ATP8A2: variants seen among roughly 807,000 people sequenced by gnomAD.
ATP8A2 encodes phospholipid-transporting ATPase IB.
ATP8A2 carries 100 observed loss-of-function variants against 165.6 expected under a neutral mutation model. The observed-to-expected ratio is 0.60, with a 90% CI of 0.51 to 0.71. The LOEUF (loss-of-function observed/expected upper bound fraction) is 0.71, where lower values mean the gene tolerates loss of function less well. Among genes scored for constraint, ATP8A2 ranks in the 30% least tolerant of loss-of-function variants. ATP8A2 has a pLI of 0.00. For synonymous variants in ATP8A2, 543 were observed against 548.8 expected (o/e 0.99, Z 0.15); for missense variants, 1,227 against 1,479.5 (o/e 0.83, Z 2.80).
chr13:25,820,577 C>T (rs530206108), intron 27 of ATP8A2, among the ~76,000 whole-genome samples: 59 of 152,246 alleles, frequency 3.9e-4, no homozygotes, highest in Non-Finnish European at 8.1e-4. Flanking sequence ...GAAGGCTCTG[C>T]GTTTAGTGTA....
At chr13:25,625,508 C>T (rs922043266) in intron 24 of ATP8A2, among the ~76,000 whole-genome samples, 4 of 152,236 alleles carry the variant, frequency 2.6e-5, no homozygotes, top group African/African-American at 9.6e-5. Context: ...TATTAAATTA[C>T]ACCTTCTTGT....
At chr13:25,829,917 A>C (rs1166431665) in intron 28 of ATP8A2, among the ~76,000 whole-genome samples, 1 of 151,318 alleles carries the variant, frequency 6.6e-6, no homozygotes, top group Non-Finnish European at 1.5e-5. Context: ...GACCATTTGC[A>C]GGAGAATAAC....
At chr13:25,478,182 A>T (rs1449774315) in intron 2 of ATP8A2, among the ~76,000 whole-genome samples, 3 of 152,046 alleles carry the variant, frequency 2.0e-5, no homozygotes, top group Non-Finnish European at 4.4e-5. Flanking sequence ...GGCATCAAAG[A>T]ACATTCCCTA....
chr13:25,442,998 C>T (rs934887126), intron 1 of ATP8A2, among the ~76,000 whole-genome samples: 1 of 152,072 alleles, frequency 6.6e-6, no homozygotes, highest in African/African-American at 2.4e-5. Flanking sequence ...CCGTGGTTGC[C>T]TTTTTCCTCT....
rs551756597 is a variant in ATP8A2 at position 25,699,856 on chromosome 13, G to A, written c.2384+511G>A. ...TTCCTGGGAAGGTTTTTTTTTTTCA[G>A]TTGGCAGTGGTGGGGGATTGTTACA... On this transcript the variant is annotated intron_variant, in intron 25 of 36. Transcript: ENST00000381655. Among the ~76,000 whole-genome samples, 10 of 150,804 alleles carry A rather than the reference G, an allele frequency of 6.6e-5. 1 individual carries two copies. In the South Asian group the frequency reaches 2.1e-3, roughly 32 times the overall value.
intron 2 of ATP8A2, among the ~76,000 whole-genome samples, chr13:25,472,159 C>T (rs2035862032): frequency 6.6e-6 from 1 of 152,042 alleles, no homozygotes; most frequent in East Asian, 1.9e-4. Flanking sequence ...TTTGGGAGGC[C>T]AAGGTGGGTG....
At chr13:25,503,931 GT>G (rs2036939350) in intron 2 of ATP8A2, among the ~76,000 whole-genome samples, 1 of 152,154 alleles carries the variant, frequency 6.6e-6, no homozygotes, top group Admixed American at 6.5e-5. Flanking sequence ...AACTTCTCCA[GT>G]AGGATTTGGA....
chr13:25,962,165 A>G (rs1394244659), intron 34 of ATP8A2, among the ~76,000 whole-genome samples: 2 of 152,224 alleles, frequency 1.3e-5, no homozygotes, highest in African/African-American at 4.8e-5. Flanking sequence ...TTGAGAAAGT[A>G]TAACTCAAAA....
At chr13:25,774,722 T>G in intron 26 of ATP8A2, 127 bp from the exon 27 acceptor site, 1 of 574,564 alleles carries the variant, frequency 1.7e-6, no homozygotes. Context: ...AATGGTTTTC[T>G]GAGATTCCTG....
At chr13:25,429,160 G>A (rs778728113) in intron 1 of ATP8A2, among the ~76,000 whole-genome samples, 1 of 152,076 alleles carries the variant, frequency 6.6e-6, no homozygotes, top group Non-Finnish European at 1.5e-5. Context: ...CTGAGGTCAC[G>A]TGTTTGAGAC....
At chr13:25,812,819 C>T (rs75612897) in intron 27 of ATP8A2, among the ~76,000 whole-genome samples, 1,550 of 152,050 alleles carry the variant, frequency 0.01, 16 homozygotes, top group Non-Finnish European at 0.014. Flanking sequence ...AGCAAAGACA[C>T]GGAATCAACC....
At chr13:25,830,079 A>G (rs1474714551) in intron 28 of ATP8A2, among the ~76,000 whole-genome samples, 1 of 148,668 alleles carries the variant, frequency 6.7e-6, no homozygotes, top group Non-Finnish European at 1.5e-5. Flanking sequence ...TGCCATCACT[A>G]CTCACTGTAT....
At chr13:25,792,878 CA>C (rs1231086371) in intron 27 of ATP8A2, among the ~76,000 whole-genome samples, 1 of 150,084 alleles carries the variant, frequency 6.7e-6, no homozygotes, top group African/African-American at 2.5e-5. Flanking sequence ...GAGCTATGAT[CA>C]CAGCACAACA....
At chr13:25,497,773 G>A (rs2036722724) in intron 2 of ATP8A2, among the ~76,000 whole-genome samples, 1 of 151,980 alleles carries the variant, frequency 6.6e-6, no homozygotes, top group African/African-American at 2.4e-5. Flanking sequence ...GGCTAATACG[G>A]TGAAACCCTG....
chr13:25,598,024 T>G (rs188936938), intron 24 of ATP8A2, among the ~76,000 whole-genome samples: 1 of 152,262 alleles, frequency 6.6e-6, no homozygotes, highest in Non-Finnish European at 1.5e-5. Context: ...CTTGTAAGTT[T>G]AAGTCTGTGA....
intron 15 of ATP8A2, among the ~76,000 whole-genome samples, chr13:25,560,911 G>A (rs932276715): frequency 1.7e-4 from 25 of 150,858 alleles, no homozygotes; most frequent in Non-Finnish European, 3.5e-4. Flanking sequence ...TTTTGAGACG[G>A]AGTCTCGCTC....
rs535802390 is a variant in ATP8A2 at position 25,837,807 on chromosome 13, C to G, written c.2877+522C>G. On this transcript the variant is annotated intron_variant, in intron 29 of 36. Transcript: ENST00000381655. Reference sequence around the variant, plus strand: ...TTGCAGGGGATTTGGTTTTGTTTTTCTGGACCAGAGAATCAGAAAGGAACC... The same window carrying G: ...TTGCAGGGGATTTGGTTTTGTTTTTGTGGACCAGAGAATCAGAAAGGAACC... Among the ~76,000 whole-genome samples the G allele has an allele frequency of 2.0e-5, 3 of 151,988 alleles. No individual in the cohort carries two copies. In the East Asian group the frequency reaches 5.8e-4, roughly 29 times the overall value.
chr13:25,812,037 A>G (rs1593384512), intron 27 of ATP8A2, among the ~76,000 whole-genome samples: 1 of 151,996 alleles, frequency 6.6e-6, no homozygotes, highest in East Asian at 1.9e-4. Context: ...CTCCCTTCCC[A>G]CATAGTTACA....
chr13:25,657,052 CAAAAAAAAAAAA>C (rs57955107), intron 24 of ATP8A2, among the ~76,000 whole-genome samples: 13 of 67,728 alleles, frequency 1.9e-4, no homozygotes, highest in South Asian at 8.6e-4. Context: ...GACTCTGTCT[CAAAAAAAAAAAA>C]AAAAAAAAAA....
Sources: gnomAD v4.1 joint callset for allele counts (sites outside exome capture counted in the v4.1 genomes callset) on GRCh38, gnomAD v4.1.1 for gene constraint, MANE v1.5 for transcripts, NCBI Gene and HGNC (gene_info 2026-07-23, HGNC 2026-07-21) for gene names.